CNTLN: variants seen among roughly 807,000 people sequenced by gnomAD.
CNTLN encodes the protein centlein, also known as centlein, centrosomal protein.
In CNTLN, 212 loss-of-function variants were observed where a neutral mutation model predicts 180.0. The observed-to-expected ratio is 1.18, with a 90% CI of 1.05 to 1.32. The LOEUF (loss-of-function observed/expected upper bound fraction) is 1.32. CNTLN is among the 40% of genes most tolerant of loss of function. The pLI is 0.00. For missense variants in CNTLN, 2,095 were observed against 1,610.9 expected (o/e 1.30, Z -5.14); for synonymous variants, 722 against 563.1 (o/e 1.28, Z -3.99).
chr9:17,331,607 C>G (rs1445426180), intron 9 of CNTLN, among the ~76,000 whole-genome samples: 1 of 151,708 alleles, frequency 6.6e-6, no homozygotes, highest in East Asian at 1.9e-4. Context: ...TGTTTCTTTC[C>G]ATTTTTTCTT....
chr9:17,265,715 A>C lies in CNTLN; in HGVS notation c.850-8018A>C, dbSNP rs531401273. Among the ~76,000 whole-genome samples the C allele has an allele frequency of 2.2e-3, 329 of 150,832 alleles. 1 individual carries two copies. The highest frequency in any genetic ancestry group is 7.7e-3 in the African/African-American group (311 of 40,224). ...CTATTGATTATTGCCACAATTTCAGAGCCTGTTATTGGTCTATTCAGAGAC... is the reference window on the plus strand; with the variant it reads ...CTATTGATTATTGCCACAATTTCAGCGCCTGTTATTGGTCTATTCAGAGAC... On this transcript the variant is annotated intron_variant, in intron 5 of 25. Transcript: ENST00000380647.
At chr9:17,448,085 G>T (rs184535239) in intron 18 of CNTLN, 202 of 173,694 alleles carry the variant, frequency 1.2e-3, no homozygotes, top group African/African-American at 4.6e-3. Flanking sequence ...TAACCTAGAA[G>T]ATCAGGGAGT....
chr9:17,182,276 G>A (rs1587040237), intron 2 of CNTLN, among the ~76,000 whole-genome samples: 1 of 151,902 alleles, frequency 6.6e-6, no homozygotes, highest in African/African-American at 2.4e-5. Context: ...GCAGACTTTC[G>A]TTGAGGCTTT....
At chr9:17,262,493 A>C (rs969813438) in intron 5 of CNTLN, among the ~76,000 whole-genome samples, 6 of 151,492 alleles carry the variant, frequency 4.0e-5, no homozygotes, top group African/African-American at 1.5e-4. Context: ...CCAGCACTGC[A>C]TGTTCTCACT....
chr9:17,279,982 T>C (rs1472374811), intron 6 of CNTLN, among the ~76,000 whole-genome samples: 9 of 152,188 alleles, frequency 5.9e-5, no homozygotes, highest in Non-Finnish European at 1.3e-4. Context: ...ATGTGATGTC[T>C]GGCACTGCCT....
In CNTLN at chr9:17,287,265, CAT is replaced by C. The variant is rs748540689; in HGVS notation, c.984-10924_984-10923del. On this transcript the variant is annotated intron_variant, in intron 6 of 25. Coordinates refer to ENST00000380647, the MANE Select transcript of CNTLN (RefSeq NM_017738.4). Reference sequence around the variant, plus strand: ...CTTTTTCTGCATCTCTTGAGATAATCATGTGGTTTTTGTCTTTGGCTCTGTTT... The same window carrying C: ...CTTTTTCTGCATCTCTTGAGATAATCGTGGTTTTTGTCTTTGGCTCTGTTT... 5.2e-3 allele frequency among the ~76,000 whole-genome samples: 791 copies of C among 151,582 alleles called. 5 individuals carry two copies. Among genetic ancestry groups the C allele is most frequent in the Admixed American group, 8.1e-3 (123 of 15,208 alleles).
At chr9:17,151,358 A>G (rs34224729) in intron 2 of CNTLN, among the ~76,000 whole-genome samples, 4,715 of 152,264 alleles carry the variant, frequency 0.031, 175 homozygotes, top group African/African-American at 0.092. Flanking sequence ...TGGCATGAAT[A>G]GGTGTTGAAT....
intron 18 of CNTLN, among the ~76,000 whole-genome samples, chr9:17,422,560 A>G (rs570416536): frequency 6.6e-6 from 1 of 152,242 alleles, no homozygotes; most frequent in South Asian, 2.1e-4. Flanking sequence ...ATTGGTTTTT[A>G]AAAATTATTT....
chr9:17,480,914 A>T (rs1174845253), intron 23 of CNTLN, among the ~76,000 whole-genome samples: 1 of 152,242 alleles, frequency 6.6e-6, no homozygotes, highest in African/African-American at 2.4e-5. Context: ...GGAGAAGTAC[A>T]TAGGAATCTT....
chr9:17,219,346 A>G (rs1317210912), intron 2 of CNTLN, among the ~76,000 whole-genome samples: 1 of 151,890 alleles, frequency 6.6e-6, no homozygotes. Context: ...ACTTGAAACA[A>G]TATTTAAAAA....
chr9:17,467,069 T>C (rs956998001), intron 23 of CNTLN, among the ~76,000 whole-genome samples, 178 bp downstream of exon 23: 1 of 151,608 alleles, frequency 6.6e-6, no homozygotes, highest in African/African-American at 2.4e-5. Context: ...ATTTTTATAG[T>C]TTGAATTTAA....
At chr9:17,191,197 T>C (rs1027527365) in intron 2 of CNTLN, among the ~76,000 whole-genome samples, 4 of 152,244 alleles carry the variant, frequency 2.6e-5, no homozygotes, top group Non-Finnish European at 5.9e-5. Context: ...TCTCATACTT[T>C]GAAATCAGAT....
intron 2 of CNTLN, among the ~76,000 whole-genome samples, chr9:17,216,589 A>T (rs1823768610): frequency 6.6e-6 from 1 of 152,078 alleles, no homozygotes. Flanking sequence ...AGTAAAGGAG[A>T]GATTGTCTTA....
intron 18 of CNTLN, among the ~76,000 whole-genome samples, chr9:17,427,005 G>A (rs1829127740): frequency 1.3e-5 from 2 of 152,028 alleles, no homozygotes; most frequent in African/African-American, 4.8e-5. Flanking sequence ...CTCTGCCCTG[G>A]TCCCAATCAG....
In CNTLN at chr9:17,457,541, G is replaced by C. The variant is rs576760955; in HGVS notation, c.3132G>C (p.Leu1044Phe). ...RQTIKKLNLD[L>F]AGLRKEKEDL... ...AAAAAAAGAAGCTAAATTTGGATTT[G>C]GCTGGGCTTCGGAAAGAAAAAGAAG... The change falls in exon 19 of 26, where the codon TTG becomes TTC. Residue 1044 changes from leucine to phenylalanine, a missense_variant. By Grantham distance (22) the Leu-to-Phe change is conservative. Transcript: ENST00000380647. The C allele has an allele frequency of 3.3e-6, 5 of 1,495,788 alleles. No homozygotes were observed. The highest frequency in any genetic ancestry group is 4.5e-6 in the Non-Finnish European group (5 of 1,119,606). 92.7% of individuals were successfully genotyped at this position (1,495,788 alleles called of 1,614,324 possible).
At chr9:17,454,115 A>G (rs1478163951) in intron 18 of CNTLN, among the ~76,000 whole-genome samples, 1 of 152,198 alleles carries the variant, frequency 6.6e-6, no homozygotes, top group African/African-American at 2.4e-5. Context: ...CTACCACAGG[A>G]TATTATACTG....
At chr9:17,336,739 G>A (rs568237152) in intron 10 of CNTLN, among the ~76,000 whole-genome samples, 277 of 152,206 alleles carry the variant, frequency 1.8e-3, no homozygotes, top group African/African-American at 6.4e-3. Context: ...TAAGTTCTGG[G>A]ATACATGTGC....
At chr9:17,421,315 T>A (rs1359186758) in intron 18 of CNTLN, among the ~76,000 whole-genome samples, 1 of 152,180 alleles carries the variant, frequency 6.6e-6, no homozygotes, top group Non-Finnish European at 1.5e-5. Flanking sequence ...TTTATCATTA[T>A]ATAATGACCT....
At chr9:17,320,486 A>T (rs1392770034) in intron 8 of CNTLN, among the ~76,000 whole-genome samples, 1 of 122,812 alleles carries the variant, frequency 8.1e-6, no homozygotes, top group Non-Finnish European at 1.7e-5. Flanking sequence ...AATATATTCC[A>T]ATGCCTTTTG....
Sources: gnomAD v4.1 joint callset for allele counts (sites outside exome capture counted in the v4.1 genomes callset) on GRCh38, gnomAD v4.1.1 for gene constraint, MANE v1.5 for transcripts, NCBI Gene and HGNC (gene_info 2026-07-23, HGNC 2026-07-21) for gene names.